RNF13: variants seen among roughly 807,000 people sequenced by gnomAD.
RNF13 encodes the protein ring finger protein 13.
In RNF13, 19 loss-of-function variants were observed where a neutral mutation model predicts 37.7. The ratio of observed to expected loss-of-function variants is 0.50; its 90% CI spans 0.35 to 0.74. The LOEUF is 0.74. RNF13 is among the 30% of genes least tolerant of loss of function. The pLI is 0.01. For synonymous variants in RNF13, 144 were observed against 157.8 expected (o/e 0.91, Z 0.65); for missense variants, 375 against 453.0 (o/e 0.83, Z 1.56).
chr3:149,832,625 T>G (rs1021835618), intron 1 of RNF13, among the ~76,000 whole-genome samples: 2 of 151,910 alleles, frequency 1.3e-5, no homozygotes, highest in African/African-American at 4.8e-5. Context: ...ATCTATGAAA[T>G]TAACAAATCT....
intron 6 of RNF13, among the ~76,000 whole-genome samples, chr3:149,908,830 T>C (rs897666968): frequency 6.6e-6 from 1 of 152,086 alleles, no homozygotes; most frequent in African/African-American, 2.4e-5. Context: ...ATGGGGAAAT[T>C]AGACAGGTTA....
chr3:149,931,227 CT>C (rs1178058002), intron 8 of RNF13, among the ~76,000 whole-genome samples: 2 of 151,882 alleles, frequency 1.3e-5, no homozygotes, highest in Admixed American at 6.6e-5. Context: ...CTGTGGCCGG[CT>C]AATTTTTTTA....
intron 8 of RNF13, among the ~76,000 whole-genome samples, chr3:149,938,039 A>G (rs924925004): frequency 4.8e-4 from 73 of 152,242 alleles, no homozygotes; most frequent in African/African-American, 1.8e-3. Flanking sequence ...GATGTCTCCA[A>G]CTATAATAGC....
At chr3:149,856,161 A>C (rs1282746751) in intron 3 of RNF13, among the ~76,000 whole-genome samples, 1 of 151,070 alleles carries the variant, frequency 6.6e-6, no homozygotes, top group Non-Finnish European at 1.5e-5. Flanking sequence ...TGCTTTTTGC[A>C]CTTGACAATA....
chr3:149,826,591 G>A (rs528808524), intron 1 of RNF13, among the ~76,000 whole-genome samples: 87 of 152,140 alleles, frequency 5.7e-4, no homozygotes, highest in African/African-American at 2.0e-3. Flanking sequence ...TAATATTTTC[G>A]TGTATTTTCT....
chr3:149,873,178 G>T (rs1003942897), intron 4 of RNF13, among the ~76,000 whole-genome samples: 1 of 152,076 alleles, frequency 6.6e-6, no homozygotes, highest in Non-Finnish European at 1.5e-5. Flanking sequence ...TTAATTTCTT[G>T]CTGCTAAGAA....
At chr3:149,925,681 A>T (rs1718563370) in intron 8 of RNF13, among the ~76,000 whole-genome samples, 1 of 152,094 alleles carries the variant, frequency 6.6e-6, no homozygotes, top group Admixed American at 6.5e-5. Flanking sequence ...ATACTTGTAC[A>T]TATATCCTGG....
chr3:149,955,571 G>C (rs1346746490), intron 8 of RNF13, among the ~76,000 whole-genome samples: 3 of 151,928 alleles, frequency 2.0e-5, no homozygotes, highest in Non-Finnish European at 4.4e-5. Context: ...ACACACTTTT[G>C]GACTACAGGG....
At chr3:149,902,598 T>C (rs1034684852) in intron 6 of RNF13, among the ~76,000 whole-genome samples, 1 of 152,120 alleles carries the variant, frequency 6.6e-6, no homozygotes, top group Non-Finnish European at 1.5e-5. Context: ...TTTCAAGTTT[T>C]AGAAGCTTGA....
At chr3:149,906,118 G>A (rs952929604) in intron 6 of RNF13, among the ~76,000 whole-genome samples, 3 of 151,950 alleles carry the variant, frequency 2.0e-5, no homozygotes, top group Non-Finnish European at 4.4e-5. Context: ...TTCATTTAAT[G>A]TAATGTTTTC....
chr3:149,959,924 G>C (rs2108620094), intron 8 of RNF13, 132 bp from the exon 9 acceptor site: 1 of 610,760 alleles, frequency 1.6e-6, no homozygotes, highest in Non-Finnish European at 2.9e-6. Context: ...CTAGGACTTA[G>C]ATAAGCAGAT....
At chr3:149,840,942 A>C (rs1722120786) in intron 1 of RNF13, among the ~76,000 whole-genome samples, 1 of 152,234 alleles carries the variant, frequency 6.6e-6, no homozygotes, top group African/African-American at 2.4e-5. Context: ...TCACCTCAGC[A>C]TACAAAAGTG....
intron 3 of RNF13, among the ~76,000 whole-genome samples, chr3:149,862,216 A>G (rs1451418122): frequency 1.3e-5 from 2 of 152,078 alleles, no homozygotes; most frequent in Non-Finnish European, 2.9e-5. Flanking sequence ...CCCTTGTGTC[A>G]TTGGACATTT....
At chr3:149,921,551 G>A (rs1718132723) in intron 8 of RNF13, among the ~76,000 whole-genome samples, 1 of 152,104 alleles carries the variant, frequency 6.6e-6, no homozygotes, top group Non-Finnish European at 1.5e-5. Context: ...AACACGCAGT[G>A]TTTGGTTTTC....
In RNF13 at chr3:149,833,975, A is replaced by T. The variant is rs544781594; in HGVS notation, c.-16-12036A>T. Among the ~76,000 whole-genome samples, 3 of 152,344 alleles carry T rather than the reference A, an allele frequency of 2.0e-5. No homozygotes were observed. The South Asian group carries it at 6.2e-4, about 32-fold the overall frequency. On this transcript the variant is annotated intron_variant, in intron 1 of 9. Coordinates refer to ENST00000392894, the MANE Select transcript of RNF13 (RefSeq NM_183381.3). ...AAATCAGTTGCATTCCTATAAAGTA[A>T]CAGCGAACTATCCAAAAAGGAAATT...
intron 8 of RNF13, among the ~76,000 whole-genome samples, chr3:149,957,334 G>A (rs1308725856): frequency 6.6e-6 from 1 of 151,890 alleles, no homozygotes; most frequent in Non-Finnish European, 1.5e-5. Context: ...CAGTCTTTTA[G>A]TTTTTTTACC....
intron 6 of RNF13, among the ~76,000 whole-genome samples, chr3:149,905,411 C>T (rs981871903): frequency 2.0e-5 from 3 of 151,608 alleles, no homozygotes; most frequent in African/African-American, 7.2e-5. Context: ...ACCTCTAGGC[C>T]AGTTTTTTGT....
At chr3:149,945,177 C>T (rs552696575) in intron 8 of RNF13, among the ~76,000 whole-genome samples, 11 of 152,154 alleles carry the variant, frequency 7.2e-5, no homozygotes, top group Non-Finnish European at 1.6e-4. Context: ...ATATCTCTGT[C>T]TTGGTAGCAG....
At chr3:149,925,440 G>A (rs778142886) in intron 8 of RNF13, among the ~76,000 whole-genome samples, 3 of 152,046 alleles carry the variant, frequency 2.0e-5, no homozygotes, top group Non-Finnish European at 4.4e-5. Context: ...TTCTCAAGTT[G>A]TACCACATAC....
Sources: allele counts gnomAD v4.1 joint callset (sites outside exome capture counted in the v4.1 genomes callset), GRCh38; gene constraint gnomAD v4.1.1; transcripts MANE v1.5; gene names NCBI Gene and HGNC (gene_info 2026-07-23, HGNC 2026-07-21).